CNTN4: variants seen among roughly 807,000 people sequenced by gnomAD.
CNTN4 encodes the protein contactin 4, also known as contactin-4.
CNTN4 carries 77 observed loss-of-function variants against 122.5 expected under a neutral mutation model. That is an observed-to-expected ratio of 0.63 (90% CI 0.52 to 0.76). CNTN4 has a LOEUF of 0.76. Ranked by LOEUF, CNTN4 falls within the 30% of genes least tolerant of loss-of-function variation. The probability of loss-of-function intolerance (pLI) is 0.00; values close to 1 mark genes in which losing one functional copy is unlikely to be tolerated. For synonymous variants in CNTN4, 512 were observed against 447.0 expected, an observed-to-expected ratio of 1.15 and a Z score of -1.83; for missense variants, 1,256 against 1,259.1, an observed-to-expected ratio of 1.00 and a Z score of 0.04.
At chr3:2,202,022 C>T (rs908850216) in intron 2 of CNTN4, among the ~76,000 whole-genome samples, 2 of 152,024 alleles carry the variant, frequency 1.3e-5, no homozygotes, top group African/African-American at 2.4e-5. Flanking sequence ...TTAGTATCTC[C>T]AACTAGAAGA....
At chr3:2,611,469 A>G (rs1288720440) in intron 4 of CNTN4, among the ~76,000 whole-genome samples, 1 of 152,148 alleles carries the variant, frequency 6.6e-6, no homozygotes, top group African/African-American at 2.4e-5. Flanking sequence ...CCTAAGCTGC[A>G]GGATTATAGG....
chr3:2,130,859 G>A (rs1168629390), intron 2 of CNTN4, among the ~76,000 whole-genome samples: 3 of 152,176 alleles, frequency 2.0e-5, no homozygotes, highest in African/African-American at 7.2e-5. Context: ...TGTGCTATGT[G>A]ACATTCCAAT....
At chr3:2,973,006 G>A (rs1050720333) in intron 13 of CNTN4, among the ~76,000 whole-genome samples, 18 of 152,044 alleles carry the variant, frequency 1.2e-4, no homozygotes, top group African/African-American at 4.3e-4. Flanking sequence ...AATAGGAGAG[G>A]ACCCATGTAT....
intron 2 of CNTN4, among the ~76,000 whole-genome samples, chr3:2,310,898 A>G (rs2042890066): frequency 1.3e-5 from 2 of 152,154 alleles, no homozygotes; most frequent in South Asian, 2.1e-4. Flanking sequence ...CTCAAATGAT[A>G]GCTATTCAAC....
Position 2,667,949 on chromosome 3 carries a change from A to G in CNTN4, c.56-68266A>G, listed in dbSNP as rs911221884. On this transcript the variant is annotated intron_variant, in intron 4 of 24. Transcript: ENST00000418658. ...GGGCTCTGTTCTGTTCCATTGGTCT[A>G]TATGTCTGTTTTGGTACCAGTACCA... is the stretch of plus-strand genomic sequence containing the variant. Among the ~76,000 whole-genome samples, 2 of 151,996 alleles carry G rather than the reference A, an allele frequency of 1.3e-5. 1 individual carries two copies. Among genetic ancestry groups the G allele is most frequent in the Non-Finnish European group, 2.9e-5 (2 of 68,018 alleles).
intron 3 of CNTN4, among the ~76,000 whole-genome samples, chr3:2,425,859 C>A (rs537775779): frequency 2.6e-4 from 39 of 152,104 alleles, no homozygotes; most frequent in Non-Finnish European, 4.7e-4. Context: ...CATGATTTGG[C>A]TCTCTGTTTG....
intron 14 of CNTN4, 55 bp downstream of exon 14, chr3:2,988,527 A>T: frequency 6.3e-7 from 1 of 1,589,200 alleles, no homozygotes; most frequent in Non-Finnish European, 8.6e-7. Flanking sequence ...CGTGTCTAAT[A>T]ATGTAATCTA....
chr3:2,729,828 C>T (rs978161638), intron 4 of CNTN4, among the ~76,000 whole-genome samples: 17 of 152,038 alleles, frequency 1.1e-4, no homozygotes, highest in African/African-American at 1.7e-4. Flanking sequence ...GCAGGAGAAT[C>T]GCTTGAACCT....
intron 2 of CNTN4, among the ~76,000 whole-genome samples, chr3:2,222,103 G>A (rs931920281): frequency 6.6e-6 from 1 of 152,114 alleles, no homozygotes; most frequent in Non-Finnish European, 1.5e-5. Flanking sequence ...GTGTATGAAT[G>A]TTTATAACAG....
chr3:2,653,836 A>T (rs552309603), intron 4 of CNTN4, among the ~76,000 whole-genome samples: 97 of 152,342 alleles, frequency 6.4e-4, no homozygotes, highest in African/African-American at 2.1e-3. Context: ...CTCTTCTGTT[A>T]GGATCAAGTG....
At chr3:2,513,533 A>C (rs1171698530) in intron 3 of CNTN4, among the ~76,000 whole-genome samples, 1 of 151,794 alleles carries the variant, frequency 6.6e-6, no homozygotes, top group Non-Finnish European at 1.5e-5. Context: ...CTTTATTTGT[A>C]CTTAGCAGAA....
At chr3:2,254,608 T>C (rs1202776118) in intron 2 of CNTN4, among the ~76,000 whole-genome samples, 1 of 152,248 alleles carries the variant, frequency 6.6e-6, no homozygotes, top group East Asian at 1.9e-4. Context: ...TGGTATCTCA[T>C]TGTGGTTTTG....
chr3:3,009,387 G>A (rs1200496080), intron 14 of CNTN4, among the ~76,000 whole-genome samples: 1 of 151,848 alleles, frequency 6.6e-6, no homozygotes. Context: ...CCCTTTTCTT[G>A]CTACTGTCAA....
At chr3:2,976,656 G>A (rs1411068929) in intron 13 of CNTN4, among the ~76,000 whole-genome samples, 1 of 152,080 alleles carries the variant, frequency 6.6e-6, no homozygotes, top group Non-Finnish European at 1.5e-5. Context: ...ATCTTCTAGA[G>A]GTCTCAATTG....
chr3:2,825,069 C>A (rs770723388), intron 7 of CNTN4, among the ~76,000 whole-genome samples: 18 of 152,016 alleles, frequency 1.2e-4, no homozygotes, highest in Non-Finnish European at 2.6e-4. Flanking sequence ...GTGGCTTTTC[C>A]TAGGTACTCA....
intron 3 of CNTN4, among the ~76,000 whole-genome samples, chr3:2,469,247 C>A (rs946006549): frequency 2.0e-4 from 30 of 152,182 alleles, no homozygotes; most frequent in African/African-American, 7.0e-4. Context: ...TTACTTAATT[C>A]TTTGCCTCTT....
intron 4 of CNTN4, among the ~76,000 whole-genome samples, chr3:2,729,907 C>T (rs2088555328): frequency 6.6e-6 from 1 of 152,014 alleles, no homozygotes; most frequent in Non-Finnish European, 1.5e-5. Context: ...GAGGGAGACC[C>T]CATCTCAAAA....
At chr3:2,175,553 C>T (rs545349387) in intron 2 of CNTN4, among the ~76,000 whole-genome samples, 168 of 152,136 alleles carry the variant, frequency 1.1e-3, no homozygotes, top group African/African-American at 3.7e-3. Flanking sequence ...ATTAAGAATA[C>T]GGGGAAAGGT....
chr3:2,360,778 C>G (rs2045101110), intron 3 of CNTN4, among the ~76,000 whole-genome samples: 1 of 152,116 alleles, frequency 6.6e-6, no homozygotes, highest in African/African-American at 2.4e-5. Context: ...GAAAACCACC[C>G]CCATGATTCA....
Sources: allele counts gnomAD v4.1 joint callset (sites outside exome capture counted in the v4.1 genomes callset), GRCh38; gene constraint gnomAD v4.1.1; transcripts MANE v1.5; gene names NCBI Gene and HGNC (gene_info 2026-07-23, HGNC 2026-07-21).